Variants in MALRD1 observed in about 807,000 individuals in gnomAD.
MALRD1 encodes the protein MAM and LDL receptor class A domain containing 1.
Under a neutral mutation model 242.1 loss-of-function variants are expected in MALRD1, and 247 were observed. That is an observed-to-expected ratio of 1.02 (90% CI 0.92 to 1.13). The LOEUF (loss-of-function observed/expected upper bound fraction) is 1.13. Ranked by LOEUF, MALRD1 falls within the 50% of genes most tolerant of loss-of-function variation. MALRD1 has a pLI of 0.00. For synonymous variants in MALRD1, 995 were observed against 866.6 expected (o/e 1.15, Z -2.60); for missense variants, 2,989 against 2,533.1 (o/e 1.18, Z -3.86).
At chr10:19,077,327 C>T (rs1590395705) in intron 2 of MALRD1, among the ~76,000 whole-genome samples, 2 of 151,884 alleles carry the variant, frequency 1.3e-5, no homozygotes, top group African/African-American at 4.8e-5. Context: ...GGTAATCTGT[C>T]ACAAACCAGT....
chr10:19,477,556 T>C (rs1403147986), intron 29 of MALRD1, among the ~76,000 whole-genome samples: 2 of 152,154 alleles, frequency 1.3e-5, no homozygotes, highest in East Asian at 3.9e-4. Context: ...CTGGGGTTCA[T>C]TGTCTCATGC....
chr10:19,621,109 A>G (rs73595868), intron 36 of MALRD1, among the ~76,000 whole-genome samples: 310 of 151,912 alleles, frequency 2.0e-3, no homozygotes, highest in African/African-American at 7.2e-3. Context: ...AAATGAAGAG[A>G]CAAATGAAAT....
chr10:19,306,780 C>T lies in MALRD1; in HGVS notation c.3420-17169C>T, dbSNP rs568679666. ...ATGGCAGAAGGGGAAGCAAACGTTT[C>T]CTTTTCACATGGCAGCAAGGAGAAG... is the stretch of plus-strand genomic sequence containing the variant. On this transcript the variant is annotated intron_variant, in intron 21 of 39. Coordinates refer to ENST00000454679, the MANE Select transcript of MALRD1 (RefSeq NM_001142308.3). Among the ~76,000 whole-genome samples, 4 of 149,778 alleles carry T rather than the reference C, an allele frequency of 2.7e-5. No individual in the cohort carries two copies. In the South Asian group the frequency reaches 8.9e-4, roughly 33 times the overall value.
Position 19,298,827 on chromosome 10 carries a change from G to A in MALRD1, c.3419+15646G>A, listed in dbSNP as rs142427902. ...CTCCATATTTAAGATGTTTTGCTGG[G>A]AGACATTTTGCTGGCCAGAAGTCAA... On this transcript the variant is annotated intron_variant, in intron 21 of 39. Transcript: ENST00000454679. 2.6e-5 allele frequency among the ~76,000 whole-genome samples: 4 copies of A among 152,038 alleles called. No individual in the cohort carries two copies. In the East Asian group the frequency reaches 7.8e-4, roughly 30 times the overall value.
chr10:19,499,114 G>GT (rs1837852130), intron 31 of MALRD1, among the ~76,000 whole-genome samples: 1 of 152,150 alleles, frequency 6.6e-6, no homozygotes, highest in South Asian at 2.1e-4. Context: ...GATGGAATGA[G>GT]TGAGTATCAG....
At chr10:19,276,312 T>A (rs953999050) in intron 19 of MALRD1, among the ~76,000 whole-genome samples, 8 of 151,904 alleles carry the variant, frequency 5.3e-5, no homozygotes, top group South Asian at 2.1e-4. Context: ...ATATATATAT[T>A]TTCAGTAAAA....
chr10:19,538,614 A>G (rs1406119273), intron 32 of MALRD1, among the ~76,000 whole-genome samples: 1 of 152,272 alleles, frequency 6.6e-6, no homozygotes, highest in East Asian at 1.9e-4. Context: ...TGCTATCTCA[A>G]TTGATTTGGT....
At chr10:19,251,380 G>A (rs1323421398) in intron 18 of MALRD1, among the ~76,000 whole-genome samples, 1 of 151,896 alleles carries the variant, frequency 6.6e-6, no homozygotes, top group African/African-American at 2.4e-5. Flanking sequence ...TTCTCTGGAG[G>A]GGAGAATGGG....
rs1342389501 is a variant in MALRD1 at position 19,456,906 on chromosome 10, G to A, written c.5029+6416G>A. On this transcript the variant is annotated intron_variant, in intron 29 of 39. Coordinates refer to ENST00000454679, the MANE Select transcript of MALRD1 (RefSeq NM_001142308.3). ...TCATGCCTCAGCCTCGTGAGTAGCCGGGATTACAGGCATGCACCACCATGC... is the reference window on the plus strand; with the variant it reads ...TCATGCCTCAGCCTCGTGAGTAGCCAGGATTACAGGCATGCACCACCATGC... Among the ~76,000 whole-genome samples, 4 of 151,684 alleles carry A rather than the reference G, an allele frequency of 2.6e-5. No individual in the cohort carries two copies. In the East Asian group the frequency reaches 5.8e-4, roughly 22 times the overall value.
chr10:19,279,941 A>C, intron 19 of MALRD1, 106 bp from the exon 20 acceptor site: 1 of 915,020 alleles, frequency 1.1e-6, no homozygotes, highest in Non-Finnish European at 1.5e-6. Context: ...ACTGTTCTCT[A>C]TGATATTGTG....
intron 38 of MALRD1, among the ~76,000 whole-genome samples, chr10:19,696,843 G>A (rs1271558080): frequency 6.6e-6 from 1 of 152,086 alleles, no homozygotes; most frequent in Non-Finnish European, 1.5e-5. Flanking sequence ...TTGAACCTGG[G>A]AGGCAGAGGT....
chr10:19,410,173 A>G (rs972346784), intron 28 of MALRD1, among the ~76,000 whole-genome samples: 4 of 152,152 alleles, frequency 2.6e-5, no homozygotes, highest in Non-Finnish European at 5.9e-5. Context: ...CCCTCATTTA[A>G]GCAATTCTTA....
At chr10:19,593,926 A>T (rs867751185) in intron 33 of MALRD1, among the ~76,000 whole-genome samples, 77 of 152,266 alleles carry the variant, frequency 5.1e-4, no homozygotes, top group African/African-American at 1.8e-3. Flanking sequence ...CTGTGATTTT[A>T]TCTAGCTTTG....
At chr10:19,174,074 C>T in intron 13 of MALRD1, among the ~76,000 whole-genome samples, 1 of 152,108 alleles carries the variant, frequency 6.6e-6, no homozygotes, top group Non-Finnish European at 1.5e-5. Context: ...TTAAGTTCAA[C>T]AATGAATGGA....
At chr10:19,284,660 A>G (rs1841019525) in intron 21 of MALRD1, among the ~76,000 whole-genome samples, 1 of 139,702 alleles carries the variant, frequency 7.2e-6, no homozygotes, top group Non-Finnish European at 1.5e-5. Context: ...ATTGTTGGAC[A>G]TTTGGGTTGG....
chr10:19,292,080 C>CAAAAAAAAAAAAAAA, intron 21 of MALRD1, among the ~76,000 whole-genome samples: 1 of 88,036 alleles, frequency 1.1e-5, no homozygotes, highest in Non-Finnish European at 2.2e-5. Context: ...AAGACCGTCT[C>CAAAAAAAAAAAAAAA]AAAAAAAAAA....
chr10:19,383,804 A>G (rs750448961), intron 26 of MALRD1, among the ~76,000 whole-genome samples: 6 of 151,900 alleles, frequency 3.9e-5, no homozygotes, highest in Non-Finnish European at 7.4e-5. Flanking sequence ...TTAAATAGAT[A>G]CTAGATGCTA....
chr10:19,620,806 A>G (rs894568945), intron 36 of MALRD1, among the ~76,000 whole-genome samples: 1 of 152,060 alleles, frequency 6.6e-6, no homozygotes, highest in Admixed American at 6.6e-5. Flanking sequence ...AAAAGCATCA[A>G]TACATTGAAA....
chr10:19,146,247 A>G lies in MALRD1; in HGVS notation c.1461A>G (p.Pro487=). The G allele has an allele frequency of 8.1e-7, 1 of 1,231,684 alleles. No individual in the cohort carries two copies. Among genetic ancestry groups the G allele is most frequent in the South Asian group, 4.1e-5 (1 of 24,318 alleles). 76.3% of individuals were successfully genotyped at this position (1,231,684 alleles called of 1,614,324 possible). A position where few individuals can be genotyped will look rare whatever the true frequency, so the allele number is the denominator to read the frequency against. ...AGTCGGGTTTCTGCGGTTGGGAGCC[A>G]TTTCTCACAGAAGATTCACACTGGA... ...DFESGFCGWE[P]FLTEDSHWKL... The change falls in exon 11 of 40, where the codon CCA becomes CCG. Residue 487 remains proline (P), a synonymous_variant. Transcript: ENST00000454679.
Sources: allele counts gnomAD v4.1 joint callset (sites outside exome capture counted in the v4.1 genomes callset), GRCh38; gene constraint gnomAD v4.1.1; transcripts MANE v1.5; gene names NCBI Gene and HGNC (gene_info 2026-07-23, HGNC 2026-07-21).